DLEU7: variants seen among roughly 807,000 people sequenced by gnomAD.
DLEU7 encodes the protein deleted in lymphocytic leukemia 7, also known as leukemia-associated protein 7.
In DLEU7, 17 loss-of-function variants were observed where a neutral mutation model predicts 16.0. The observed-to-expected ratio is 1.06, with a 90% CI of 0.73 to 1.59. The LOEUF is 1.59. Among genes scored for constraint, DLEU7 ranks in the 40% most tolerant of loss-of-function variants. The pLI, the probability that DLEU7 is intolerant of heterozygous loss-of-function variation, is 0.00. For synonymous variants in DLEU7, 113 were observed against 139.8 expected (o/e 0.81, Z 1.35); for missense variants, 308 against 314.9 (o/e 0.98, Z 0.17).
intron 1 of DLEU7, chr13:50,808,107 C>G (rs1399133348): frequency 6.6e-6 from 1 of 152,188 alleles, no homozygotes; most frequent in Non-Finnish European, 1.5e-5. Context: ...CTAAGCTAAA[C>G]CCTTTCTGCT....
chr13:50,824,607 A>G (rs1423868629), intron 1 of DLEU7, among the ~76,000 whole-genome samples: 1 of 152,196 alleles, frequency 6.6e-6, no homozygotes, highest in African/African-American at 2.4e-5. Flanking sequence ...GATGGAGAGT[A>G]AAGTTGTCCC....
chr13:50,711,549 G>A (rs1351791949), downstream of DLEU7: 1 of 152,190 alleles, frequency 6.6e-6, no homozygotes, highest in East Asian at 1.9e-4. Context: ...ATTCTCAGAT[G>A]CTGAAATACT....
At chr13:50,755,344 G>C (rs900808178) in intron 1 of DLEU7, among the ~76,000 whole-genome samples, 2 of 152,086 alleles carry the variant, frequency 1.3e-5, no homozygotes, top group Non-Finnish European at 2.9e-5. Context: ...AGGTTTGGTT[G>C]TTTAACATAA....
chr13:50,749,276 A>C (rs547549697), intron 1 of DLEU7, among the ~76,000 whole-genome samples: 37 of 151,902 alleles, frequency 2.4e-4, no homozygotes, highest in African/African-American at 8.7e-4. Context: ...TTATATATCT[A>C]TTTTTATATA....
At chr13:50,737,334 A>G (rs1444029879) in intron 1 of DLEU7, among the ~76,000 whole-genome samples, 3 of 152,208 alleles carry the variant, frequency 2.0e-5, no homozygotes, top group African/African-American at 4.8e-5. Context: ...TTTGAAATTT[A>G]ACCTATTACA....
chr13:50,757,901 A>G (rs2137741621), intron 1 of DLEU7, among the ~76,000 whole-genome samples: 1 of 152,302 alleles, frequency 6.6e-6, no homozygotes, highest in African/African-American at 2.4e-5. Flanking sequence ...GCAGTGATTT[A>G]CACCTAAAAT....
chr13:50,751,194 ATT>A (rs1206976536), intron 1 of DLEU7, among the ~76,000 whole-genome samples: 2 of 152,048 alleles, frequency 1.3e-5, no homozygotes, highest in African/African-American at 4.8e-5. Context: ...ATATCACGTG[ATT>A]TTTGTTTTTA....
chr13:50,791,697 A>G lies in DLEU7; in HGVS notation c.459+51491T>C, dbSNP rs188209427. On this transcript the variant is annotated intron_variant, in intron 1 of 1. Transcript: ENST00000400393. ...GAAAAATCCTCCCAAAATTATGAAT[A>G]CAAATTGGCCTGAATGTAAACATCT... 3.9e-3 allele frequency among the ~76,000 whole-genome samples: 594 copies of G among 152,318 alleles called. 3 individuals are homozygous for G. The highest frequency in any genetic ancestry group is 0.013 in the African/African-American group (542 of 41,568).
intron 1 of DLEU7, among the ~76,000 whole-genome samples, chr13:50,729,431 A>G (rs1441125825): frequency 6.6e-6 from 1 of 152,168 alleles, no homozygotes; most frequent in East Asian, 1.9e-4. Flanking sequence ...TCAGTCTACT[A>G]TTGATGGGCA....
At chr13:50,765,369 C>A (rs969905618) in intron 1 of DLEU7, among the ~76,000 whole-genome samples, 5 of 151,268 alleles carry the variant, frequency 3.3e-5, no homozygotes, top group African/African-American at 1.2e-4. Flanking sequence ...CTGAAGGGTG[C>A]AGACAGGGGA....
At chr13:50,773,989 C>A (rs1229557873) in intron 1 of DLEU7, among the ~76,000 whole-genome samples, 2 of 152,214 alleles carry the variant, frequency 1.3e-5, no homozygotes, top group African/African-American at 4.8e-5. Flanking sequence ...GCCCCTCCCC[C>A]AGTCAGGCTG....
intron 1 of DLEU7, among the ~76,000 whole-genome samples, chr13:50,805,642 T>TG (rs1297001000): frequency 3.3e-5 from 5 of 152,202 alleles, no homozygotes; most frequent in Non-Finnish European, 7.3e-5. Flanking sequence ...CTTCCACATG[T>TG]CTAGCTATGC....
chr13:50,788,810 G>A (rs181212776), intron 1 of DLEU7, among the ~76,000 whole-genome samples: 1 of 152,290 alleles, frequency 6.6e-6, no homozygotes, highest in East Asian at 1.9e-4. Context: ...ATGTTTGGGA[G>A]CGGGGAGCAA....
At chr13:50,762,747 CAA>C (rs1874974775) in intron 1 of DLEU7, among the ~76,000 whole-genome samples, 1 of 145,966 alleles carries the variant, frequency 6.9e-6, no homozygotes, top group Non-Finnish European at 1.5e-5. Context: ...AAAAAAACAA[CAA>C]AAACACACTC....
chr13:50,751,115 A>G lies in DLEU7; in HGVS notation c.460-37875T>C, dbSNP rs564499168. Among the ~76,000 whole-genome samples, 6 of 152,260 alleles carry G rather than the reference A, an allele frequency of 3.9e-5. No homozygotes were observed. The South Asian group carries it at 6.2e-4, about 16-fold the overall frequency. ...ATTGAGGTATGTCCCTTCTATGCCA[A>G]TTTTGCTGAGAGCTTTAATCACAAA... On this transcript the variant is annotated intron_variant, in intron 1 of 1. Transcript: ENST00000400393.
intron 1 of DLEU7, among the ~76,000 whole-genome samples, chr13:50,740,464 G>A (rs977878557): frequency 6.6e-6 from 1 of 152,138 alleles, no homozygotes; most frequent in African/African-American, 2.4e-5. Context: ...GACTAATGGA[G>A]TTCTGCCTAC....
chr13:50,791,525 A>G (rs894482830), intron 1 of DLEU7, among the ~76,000 whole-genome samples: 11 of 152,110 alleles, frequency 7.2e-5, no homozygotes, highest in Admixed American at 6.5e-4. Flanking sequence ...GGGCCACTCT[A>G]GGAACATCCA....
chr13:50,789,959 T>TGG (rs770282787), intron 1 of DLEU7, among the ~76,000 whole-genome samples: 4 of 148,712 alleles, frequency 2.7e-5, no homozygotes, highest in African/African-American at 1.0e-4. Flanking sequence ...TTTTTTTTTT[T>TGG]GGGACAGAGT....
At chr13:50,794,894 A>G (rs1876066857) in intron 1 of DLEU7, among the ~76,000 whole-genome samples, 1 of 151,938 alleles carries the variant, frequency 6.6e-6, no homozygotes, top group African/African-American at 2.4e-5. Context: ...TGTAGTTATC[A>G]TACATGATAA....
Sources: allele counts gnomAD v4.1 joint callset (sites outside exome capture counted in the v4.1 genomes callset), GRCh38; gene constraint gnomAD v4.1.1; transcripts MANE v1.5; gene names NCBI Gene and HGNC (gene_info 2026-07-23, HGNC 2026-07-21).